Variants in MYO18B observed in about 807,000 individuals in gnomAD.
The protein encoded by MYO18B is myosin XVIIIB.
MYO18B carries 204 observed loss-of-function variants against 273.0 expected under a neutral mutation model. The observed-to-expected ratio is 0.75, with a 90% CI of 0.67 to 0.84. The LOEUF (loss-of-function observed/expected upper bound fraction) is 0.84. Ranked by LOEUF, MYO18B falls within the 40% of genes least tolerant of loss-of-function variation. The pLI is 0.00. For missense variants in MYO18B, 3,212 were observed against 3,287.6 expected, an observed-to-expected ratio of 0.98 and a Z score of 0.56; for synonymous variants, 1,330 against 1,305.7, an observed-to-expected ratio of 1.02 and a Z score of -0.40.
At chr22:25,929,653 T>G (rs909135967) in intron 34 of MYO18B, among the ~76,000 whole-genome samples, 7 of 152,190 alleles carry the variant, frequency 4.6e-5, no homozygotes, top group Non-Finnish European at 8.8e-5. Flanking sequence ...AACTCTTTAG[T>G]CGTTTACTTA....
intron 42 of MYO18B, among the ~76,000 whole-genome samples, chr22:26,010,960 A>G (rs191743916): frequency 3.3e-5 from 5 of 152,094 alleles, no homozygotes; most frequent in Admixed American, 6.6e-5. Flanking sequence ...GGAGATACCA[A>G]GAAACCTCTG....
At chr22:25,992,164 C>G (rs1415323465) in intron 39 of MYO18B, among the ~76,000 whole-genome samples, 199 bp from the exon 40 acceptor site, 1 of 152,188 alleles carries the variant, frequency 6.6e-6, no homozygotes, top group Non-Finnish European at 1.5e-5. Flanking sequence ...TATCTATTCC[C>G]TCCTCTATGA....
rs199947430 is a variant in MYO18B at position 26,027,517 on chromosome 22, A to G, written c.7543A>G (p.Ile2515Val). The G allele has an allele frequency of 2.9e-4, 462 of 1,613,896 alleles. No individual in the cohort carries two copies. Among genetic ancestry groups the G allele is most frequent in the Non-Finnish European group, 3.7e-4 (437 of 1,179,908 alleles). ...TGACTCGTCCTCATCCTCCGGCTCCATCGTGTCCTTCAAAAGTGCTGACAG... is the reference window on the plus strand; with the variant it reads ...TGACTCGTCCTCATCCTCCGGCTCCGTCGTGTCCTTCAAAAGTGCTGACAG... ...LSDSSSSSGS[I>V]VSFKSADSIK... Residue 2515 changes from isoleucine to valine, a missense_variant, in exon 43 of 44, where the codon ATC (isoleucine) becomes GTC (valine). Physicochemically the swap from Ile to Val is conservative, Grantham distance 29 (BLOSUM62 3). Coordinates refer to ENST00000335473, the MANE Select transcript of MYO18B (RefSeq NM_032608.7). The surrounding 1 kb of genome is among the most constrained non-coding windows in gnomAD (Gnocchi z 4.1).
intron 11 of MYO18B, among the ~76,000 whole-genome samples, chr22:25,793,617 G>A (rs1408800738): frequency 6.6e-6 from 1 of 152,188 alleles, no homozygotes; most frequent in Non-Finnish European, 1.5e-5. Context: ...ATGGTTGGGA[G>A]TGCAGAGTCT....
intron 42 of MYO18B, among the ~76,000 whole-genome samples, chr22:26,017,520 T>G (rs952263486): frequency 1.3e-5 from 2 of 152,200 alleles, no homozygotes; most frequent in Admixed American, 6.5e-5. Context: ...GTATCGCACT[T>G]AGGAAAATTA....
intron 21 of MYO18B, among the ~76,000 whole-genome samples, chr22:25,855,450 A>C (rs2090542821): frequency 6.6e-6 from 1 of 151,770 alleles, no homozygotes; most frequent in African/African-American, 2.4e-5. Flanking sequence ...CGCCTGGCTA[A>C]TTTTTTGTAT....
chr22:25,803,025 G>C (rs373721472), intron 12 of MYO18B, among the ~76,000 whole-genome samples: 6 of 150,324 alleles, frequency 4.0e-5, no homozygotes, highest in African/African-American at 1.5e-4. Context: ...GCAGTGGCGC[G>C]ATCTCTGCTC....
At chr22:25,876,163 C>T in intron 23 of MYO18B, 26 bp from the exon 24 acceptor site, 1 of 1,602,616 alleles carries the variant, frequency 6.2e-7, no homozygotes, top group Non-Finnish European at 8.5e-7. Flanking sequence ...AAAGGACCCT[C>T]CAGTCTGTGT....
chr22:25,884,402 C>A (rs1294236632), intron 25 of MYO18B, among the ~76,000 whole-genome samples: 1 of 152,180 alleles, frequency 6.6e-6, no homozygotes, highest in Non-Finnish European at 1.5e-5. Context: ...CTCCCTAATC[C>A]CCGGGGGAAA....
intron 23 of MYO18B, 149 bp from the exon 24 acceptor site, chr22:25,876,039 TG>T: frequency 2.2e-6 from 1 of 464,326 alleles, no homozygotes; most frequent in Non-Finnish European, 3.9e-6. Context: ...TGTGTGTGTG[TG>T]TGTGTATGTG....
the MYO18B span, among the ~76,000 whole-genome samples, chr22:26,054,647 A>G: frequency 6.6e-6 from 1 of 152,120 alleles, no homozygotes; most frequent in African/African-American, 2.4e-5. Flanking sequence ...GCTTCTTCCA[A>G]GTTGGTTGAT....
At chr22:25,850,393 A>G (rs5752233) in intron 20 of MYO18B, among the ~76,000 whole-genome samples, 53,645 of 151,682 alleles carry the variant, frequency 0.35, 10,193 homozygotes, top group East Asian at 0.68. Flanking sequence ...GTCCCAGCTG[A>G]GACAGTTACT....
intron 13 of MYO18B, among the ~76,000 whole-genome samples, chr22:25,824,848 T>C (rs1450509948): frequency 7.0e-6 from 1 of 142,364 alleles, no homozygotes; most frequent in Non-Finnish European, 1.6e-5. Context: ...CATGTGTGCA[T>C]CACACATGAA....
chr22:26,004,784 G>C lies in MYO18B; in HGVS notation c.6399G>C (p.Leu2133=), dbSNP rs773905915. ...TGCAGTCCTGGTTGAGCTGTACTCTGTCCCTGGCCACAGATACTATGAGGA... is the reference window on the plus strand; with the variant it reads ...TGCAGTCCTGGTTGAGCTGTACTCTCTCCCTGGCCACAGATACTATGAGGA... ...GSLQSWLSCT[L]SLATDTMRTP... The change falls in exon 42 of 44, where the codon CTG becomes CTC. Residue 2133 remains leucine, a synonymous_variant. Coordinates refer to ENST00000335473, the MANE Select transcript of MYO18B (RefSeq NM_032608.7). The C allele has an allele frequency of 1.9e-6, 3 of 1,613,926 alleles. No homozygotes were observed. The highest frequency in any genetic ancestry group is 1.3e-5 in the African/African-American group (1 of 75,036).
intron 34 of MYO18B, among the ~76,000 whole-genome samples, chr22:25,923,062 C>A (rs886659591): frequency 1.2e-4 from 19 of 152,176 alleles, no homozygotes; most frequent in African/African-American, 3.9e-4. Context: ...CTTTTTATGA[C>A]CCTGACAGTT....
intron 17 of MYO18B, among the ~76,000 whole-genome samples, chr22:25,836,267 G>A (rs1301540589): frequency 6.6e-6 from 1 of 152,198 alleles, no homozygotes; most frequent in African/African-American, 2.4e-5. Context: ...CTTAGTTGAT[G>A]TGCTTTTAAA....
intron 1 of MYO18B, among the ~76,000 whole-genome samples, chr22:25,742,884 G>A (rs1231789726): frequency 2.0e-5 from 3 of 152,244 alleles, no homozygotes; most frequent in African/African-American, 4.8e-5. Context: ...GAGGGAAGGT[G>A]TCTTATCTGG....
At chr22:26,060,323 C>T in the MYO18B span, among the ~76,000 whole-genome samples, 1 of 152,206 alleles carries the variant, frequency 6.6e-6, no homozygotes, top group Non-Finnish European at 1.5e-5. Context: ...CTACCTGGCT[C>T]TTTATAGGAA....
chr22:25,797,586 G>T (rs796913862), intron 11 of MYO18B, among the ~76,000 whole-genome samples: 9 of 152,118 alleles, frequency 5.9e-5, no homozygotes, highest in African/African-American at 1.9e-4. Context: ...TTCATACTTA[G>T]TTGCTTTTAT....
Sources: gnomAD v4.1 joint callset for allele counts (sites outside exome capture counted in the v4.1 genomes callset) on GRCh38, gnomAD v4.1.1 for gene constraint, Gnocchi (gnomAD v3.1) non-coding constraint, MANE v1.5 for transcripts, NCBI Gene and HGNC (gene_info 2026-07-23, HGNC 2026-07-21) for gene names.